KCND2: variants seen among roughly 807,000 people sequenced by gnomAD.
KCND2 encodes potassium voltage-gated channel subfamily D member 2.
Under a neutral mutation model 54.4 loss-of-function variants are expected in KCND2, and 16 were observed. The observed-to-expected ratio is 0.29, with a 90% CI of 0.20 to 0.45. KCND2 has a LOEUF of 0.45. Among genes scored for constraint, KCND2 ranks in the 20% least tolerant of loss-of-function variants. The pLI is 1.00. For synonymous variants in KCND2, 317 were observed against 310.7 expected (o/e 1.02, Z -0.21); for missense variants, 486 against 824.2 (o/e 0.59, Z 5.02).
chr7:120,521,967 T>G (rs1791702148), intron 1 of KCND2, among the ~76,000 whole-genome samples: 1 of 152,186 alleles, frequency 6.6e-6, no homozygotes, highest in Admixed American at 6.5e-5. Context: ...CACCCAGTGA[T>G]CTCTCAGGTT....
intron 1 of KCND2, among the ~76,000 whole-genome samples, chr7:120,321,644 T>C (rs1299543314): frequency 1.3e-5 from 2 of 152,158 alleles, no homozygotes; most frequent in Non-Finnish European, 2.9e-5. Context: ...GTACATTGCA[T>C]TGTGCCTAGC....
Position 120,309,502 on chromosome 7 carries a change from CAT to C in KCND2, c.1115+33758_1115+33759del, listed in dbSNP as rs1563004531. 2.8e-3 allele frequency among the ~76,000 whole-genome samples: 371 copies of C among 133,318 alleles called. 1 individual carries two copies. Among genetic ancestry groups the C allele is most frequent in the Non-Finnish European group, 4.6e-3 (281 of 61,292 alleles). 87.5% of individuals were successfully genotyped at this position (133,318 alleles called of 152,430 possible). A position where few individuals can be genotyped will look rare whatever the true frequency, so the allele number is the denominator to read the frequency against. The stretch of plus-strand genomic sequence containing the variant: ...ACACACACACACACACACACACACA[CAT>C]ATGTATGTATATATATTTAATTTAG... On this transcript the variant is annotated intron_variant, in intron 1 of 5. Coordinates refer to ENST00000331113, the MANE Select transcript of KCND2 (RefSeq NM_012281.3).
chr7:120,620,033 A>G (rs1381638340), intron 1 of KCND2, among the ~76,000 whole-genome samples: 1 of 152,180 alleles, frequency 6.6e-6, no homozygotes, highest in East Asian at 1.9e-4. Context: ...TTTAAAATTA[A>G]TATTTTCTGT....
chr7:120,680,670 C>G (rs1792128071), intron 1 of KCND2, among the ~76,000 whole-genome samples: 1 of 152,034 alleles, frequency 6.6e-6, no homozygotes, highest in Non-Finnish European at 1.5e-5. Context: ...TGCTGCCTTT[C>G]ATTACAGTAA....
intron 1 of KCND2, among the ~76,000 whole-genome samples, chr7:120,436,443 A>T (rs1198619324): frequency 6.6e-6 from 1 of 152,224 alleles, no homozygotes; most frequent in Non-Finnish European, 1.5e-5. Flanking sequence ...CCTATATGTC[A>T]TTCATAAACT....
chr7:120,525,066 C>T (rs1394589978), intron 1 of KCND2, among the ~76,000 whole-genome samples: 1 of 151,990 alleles, frequency 6.6e-6, no homozygotes, highest in Non-Finnish European at 1.5e-5. Context: ...ATATTTTAGC[C>T]TAAATAACTT....
At chr7:120,346,924 A>G (rs943339817) in intron 1 of KCND2, among the ~76,000 whole-genome samples, 1 of 152,212 alleles carries the variant, frequency 6.6e-6, no homozygotes, top group Admixed American at 6.5e-5. Flanking sequence ...TCTGGAAAAG[A>G]GGAGGATGTG....
intron 1 of KCND2, among the ~76,000 whole-genome samples, chr7:120,650,964 G>T (rs893502237): frequency 7.0e-6 from 1 of 143,150 alleles, no homozygotes; most frequent in African/African-American, 2.7e-5. Context: ...CCACCTGATC[G>T]TTCCTCTGGA....
At chr7:120,702,347 G>T (rs1792413152) in intron 1 of KCND2, among the ~76,000 whole-genome samples, 1 of 152,090 alleles carries the variant, frequency 6.6e-6, no homozygotes, top group African/African-American at 2.4e-5. Flanking sequence ...TGATAGGAGT[G>T]TAAATTCGTT....
At chr7:120,408,786 T>C (rs1443151110) in intron 1 of KCND2, among the ~76,000 whole-genome samples, 2 of 151,862 alleles carry the variant, frequency 1.3e-5, no homozygotes, top group African/African-American at 4.8e-5. Context: ...TCCCTCCTTC[T>C]TGACATTATT....
chr7:120,679,227 C>T (rs1792110064), intron 1 of KCND2, among the ~76,000 whole-genome samples: 2 of 151,754 alleles, frequency 1.3e-5, no homozygotes, highest in Admixed American at 1.3e-4. Flanking sequence ...TTTTTTTATA[C>T]TAAAGGATCT....
At position 120,624,839 on chromosome 7, in the gene KCND2, T is replaced by C. The variant is rs187124820; in HGVS notation, c.1116-108064T>C. The stretch of plus-strand genomic sequence containing the variant: ...AAATAAGTCAATCAAGTATCTTCCA[T>C]AGTAGATAAAAATGTGAAAAACAGA... On this transcript the variant is annotated intron_variant, in intron 1 of 5. Transcript: ENST00000331113. Among the ~76,000 whole-genome samples, 332 of 151,716 alleles carry C rather than the reference T, an allele frequency of 2.2e-3. 2 individuals are homozygous for C. The highest frequency in any genetic ancestry group is 7.8e-3 in the African/African-American group (321 of 41,384).
intron 1 of KCND2, among the ~76,000 whole-genome samples, chr7:120,718,628 C>CA (rs1362743491): frequency 6.6e-6 from 1 of 151,964 alleles, no homozygotes; most frequent in Admixed American, 6.6e-5. Context: ...TGCCTTTTAC[C>CA]AAAAGAGTGC....
At position 120,747,799 on chromosome 7, in the gene KCND2, G is replaced by T; in HGVS notation, c.1834G>T (p.Asp612Tyr). 1 of 1,612,662 alleles carries T rather than the reference G, an allele frequency of 6.2e-7. No individual in the cohort carries two copies. The highest frequency in any genetic ancestry group is 1.1e-5 in the South Asian group (1 of 91,050). The change falls in exon 6 of 6, where the codon GAT (aspartate) becomes TAT (tyrosine). Residue 612 changes from aspartate (D) to tyrosine (Y), a missense_variant. Transcript: ENST00000331113. The part of the protein sequence containing the change: ...TPPVTTPEGD[D>Y]RPESPEYSGG... ...TCCAGTAACCACACCAGAAGGAGACGATAGGCCAGAATCCCCTGAGTACTC... is the reference window on the plus strand; with the variant it reads ...TCCAGTAACCACACCAGAAGGAGACTATAGGCCAGAATCCCCTGAGTACTC...
intron 1 of KCND2, among the ~76,000 whole-genome samples, chr7:120,415,083 G>A (rs1487189779): frequency 6.6e-6 from 1 of 152,150 alleles, no homozygotes; most frequent in African/African-American, 2.4e-5. Context: ...CAATAACAAT[G>A]TACATTAAAC....
intron 1 of KCND2, among the ~76,000 whole-genome samples, chr7:120,366,094 A>G (rs79018843): frequency 0.019 from 2,845 of 152,254 alleles, 76 homozygotes; most frequent in African/African-American, 0.065. Flanking sequence ...ACAGAGTCCC[A>G]TGAAAAGTAA....
chr7:120,582,766 A>T (rs1312093117), intron 1 of KCND2, among the ~76,000 whole-genome samples: 1 of 152,152 alleles, frequency 6.6e-6, no homozygotes, highest in Non-Finnish European at 1.5e-5. Flanking sequence ...TTTTTGTTTT[A>T]TCCTTGGGCC....
At position 120,745,925 on chromosome 7, in the gene KCND2, T is replaced by G; in HGVS notation, c.1613T>G (p.Phe538Cys). 1 of 1,613,890 alleles carries G rather than the reference T, an allele frequency of 6.2e-7. No individual in the cohort carries two copies. Among genetic ancestry groups the G allele is most frequent in the South Asian group, 1.1e-5 (1 of 91,086 alleles). Residue 538 changes from phenylalanine (F) to cysteine (C), a missense_variant, in exon 5 of 6, where the codon TTT (phenylalanine) becomes TGT (cysteine). Phe to Cys is a radical substitution (Grantham distance 205, BLOSUM62 -2). Coordinates refer to ENST00000331113, the MANE Select transcript of KCND2 (RefSeq NM_012281.3). ...TGTTCACGACGACACAAAAAAACTT[T>G]TCGCATCCCAAATGCCAATGTATCA... ...TCCSRRHKKT[F>C]RIPNANVSGS...
chr7:120,662,922 C>G (rs1314687535), intron 1 of KCND2, among the ~76,000 whole-genome samples: 1 of 152,246 alleles, frequency 6.6e-6, no homozygotes, highest in African/African-American at 2.4e-5. Context: ...GCTAGGAAAA[C>G]GTTTCAACAG....
Sources: gnomAD v4.1 joint callset for allele counts (sites outside exome capture counted in the v4.1 genomes callset) on GRCh38, gnomAD v4.1.1 for gene constraint, MANE v1.5 for transcripts, NCBI Gene and HGNC (gene_info 2026-07-23, HGNC 2026-07-21) for gene names.